Variants in CTNNA2 observed in about 807,000 individuals in gnomAD.
CTNNA2 encodes the protein catenin alpha 2, also known as catenin alpha-2.
In CTNNA2, 42 loss-of-function variants were observed where a neutral mutation model predicts 101.0. The ratio of observed to expected loss-of-function variants is 0.42; its 90% CI spans 0.32 to 0.54. CTNNA2 has a LOEUF of 0.54. CTNNA2 is among the 20% of genes least tolerant of loss of function. The pLI is 0.14. For missense variants in CTNNA2, 871 were observed against 1,223.1 expected (o/e 0.71, Z 4.29); for synonymous variants, 450 against 456.4 (o/e 0.99, Z 0.18).
chr2:79,615,519 A>G (rs1678559132), intron 1 of CTNNA2, among the ~76,000 whole-genome samples: 1 of 152,232 alleles, frequency 6.6e-6, no homozygotes, highest in African/African-American at 2.4e-5. Context: ...ATAAAAATAC[A>G]GTACCTTTTA....
intron 4 of CTNNA2, among the ~76,000 whole-genome samples, chr2:79,457,201 CAAA>C (rs369641720): frequency 6.1e-5 from 5 of 82,412 alleles, no homozygotes; most frequent in Admixed American, 1.4e-4. Flanking sequence ...GACTCCATCT[CAAA>C]AAAAAAAAAA....
chr2:79,604,688 G>T (rs769227411), intron 1 of CTNNA2, among the ~76,000 whole-genome samples: 1 of 152,178 alleles, frequency 6.6e-6, no homozygotes. Flanking sequence ...AATGTGCTGA[G>T]TATTCACATA....
chr2:79,861,751 T>C (rs1293173989), intron 4 of CTNNA2, among the ~76,000 whole-genome samples: 1 of 152,118 alleles, frequency 6.6e-6, no homozygotes, highest in African/African-American at 2.4e-5. Context: ...TTCAGGAGGA[T>C]AGAGATAGAA....
intron 2 of CTNNA2, among the ~76,000 whole-genome samples, chr2:79,288,517 T>C (rs764805480): frequency 6.6e-6 from 1 of 152,164 alleles, no homozygotes; most frequent in African/African-American, 2.4e-5. Flanking sequence ...TCCAAGTAGT[T>C]TCTACTCTCA....
At chr2:79,885,024 T>G (rs1318078633) in intron 6 of CTNNA2, among the ~76,000 whole-genome samples, 1 of 152,104 alleles carries the variant, frequency 6.6e-6, no homozygotes, top group African/African-American at 2.4e-5. Flanking sequence ...ACACAGATAT[T>G]CAAGGAGCTC....
chr2:79,975,070 T>A (rs368100919), intron 7 of CTNNA2, among the ~76,000 whole-genome samples: 1 of 152,154 alleles, frequency 6.6e-6, no homozygotes, highest in Non-Finnish European at 1.5e-5. Context: ...GTTTTCTCAT[T>A]TTCTGCCCTA....
At chr2:79,699,805 AC>A (rs1684877394) in intron 2 of CTNNA2, among the ~76,000 whole-genome samples, 1 of 146,442 alleles carries the variant, frequency 6.8e-6, no homozygotes, top group Non-Finnish European at 1.5e-5. Context: ...ACACACACAC[AC>A]ACACACACAC....
intron 7 of CTNNA2, among the ~76,000 whole-genome samples, chr2:80,187,874 C>T (rs529563590): frequency 3.1e-4 from 47 of 151,774 alleles, no homozygotes; most frequent in Non-Finnish European, 5.9e-4. Flanking sequence ...TTATCCTCAC[C>T]TTACAACCAT....
At chr2:79,942,768 T>G (rs2104461808) in intron 7 of CTNNA2, among the ~76,000 whole-genome samples, 1 of 152,302 alleles carries the variant, frequency 6.6e-6, no homozygotes. Flanking sequence ...ATCTCTTTTG[T>G]GTTCTACAAA....
At chr2:79,435,992 C>A (rs1307841457) in intron 4 of CTNNA2, among the ~76,000 whole-genome samples, 3 of 152,136 alleles carry the variant, frequency 2.0e-5, no homozygotes, top group Non-Finnish European at 4.4e-5. Context: ...CTATCTCTTA[C>A]ATCAAAATCA....
chr2:80,220,482 G>A (rs1300421234), intron 7 of CTNNA2, among the ~76,000 whole-genome samples: 1 of 152,166 alleles, frequency 6.6e-6, no homozygotes, highest in Non-Finnish European at 1.5e-5. Context: ...AGCACTTTGG[G>A]AGGCCAAGAC....
chr2:80,567,270 G>T (rs1694144850), intron 12 of CTNNA2, among the ~76,000 whole-genome samples: 1 of 152,080 alleles, frequency 6.6e-6, no homozygotes. Context: ...ATAAAATGGT[G>T]GCCAGCTTCT....
chr2:79,624,464 T>C (rs1679184282), intron 1 of CTNNA2, among the ~76,000 whole-genome samples: 1 of 152,056 alleles, frequency 6.6e-6, no homozygotes, highest in African/African-American at 2.4e-5. Context: ...GACAGAAGCC[T>C]GGAGAAAGGT....
intron 7 of CTNNA2, among the ~76,000 whole-genome samples, chr2:80,238,028 G>T (rs1162896602): frequency 6.6e-6 from 1 of 150,816 alleles, no homozygotes; most frequent in East Asian, 1.9e-4. Flanking sequence ...CTACATTTAG[G>T]TATCTGTGCC....
chr2:80,303,947 A>C lies in CTNNA2; in HGVS notation c.1057-89264A>C. ...GAGAAAAGGGCAAAAAATCAAATAAATACATAGAAATAAAGAAGGACCCCC... is the reference window on the plus strand; with the variant it reads ...GAGAAAAGGGCAAAAAATCAAATAACTACATAGAAATAAAGAAGGACCCCC... On this transcript the variant is annotated intron_variant, in intron 7 of 18. Transcript: ENST00000402739. The surrounding 1 kb of genome is among the most constrained non-coding windows in gnomAD (Gnocchi z 7.7). 1.8e-6 allele frequency: 2 copies of C among 1,128,640 alleles called. No individual in the cohort carries two copies. Among genetic ancestry groups the C allele is most frequent in the Non-Finnish European group, 2.4e-6 (2 of 834,288 alleles). 69.9% of individuals were successfully genotyped at this position (1,128,640 alleles called of 1,614,324 possible).
intron 3 of CTNNA2, among the ~76,000 whole-genome samples, chr2:79,806,834 C>T (rs1370344553): frequency 1.3e-5 from 2 of 152,014 alleles, no homozygotes; most frequent in African/African-American, 4.8e-5. Flanking sequence ...TATTATCCCC[C>T]ACGTGCCTCA....
chr2:80,510,025 C>G (rs1352113167), intron 9 of CTNNA2, among the ~76,000 whole-genome samples: 1 of 152,182 alleles, frequency 6.6e-6, no homozygotes, highest in Non-Finnish European at 1.5e-5. Flanking sequence ...TTCTGCCCCT[C>G]TATAGGGCAA....
chr2:80,226,170 T>A (rs77988917), intron 7 of CTNNA2, among the ~76,000 whole-genome samples: 1 of 152,214 alleles, frequency 6.6e-6, no homozygotes, highest in Non-Finnish European at 1.5e-5. Flanking sequence ...TTGTGGAACA[T>A]ACCTAAATTG....
At chr2:80,505,134 A>T (rs1688167749) in intron 9 of CTNNA2, among the ~76,000 whole-genome samples, 2 of 152,208 alleles carry the variant, frequency 1.3e-5, no homozygotes, top group Non-Finnish European at 1.5e-5. Context: ...AATAAGAATG[A>T]ATGAATGAAT....
Sources: gnomAD v4.1 joint callset for allele counts (sites outside exome capture counted in the v4.1 genomes callset) on GRCh38, gnomAD v4.1.1 for gene constraint, Gnocchi (gnomAD v3.1) non-coding constraint, MANE v1.5 for transcripts, NCBI Gene and HGNC (gene_info 2026-07-23, HGNC 2026-07-21) for gene names.